Variants in RPL38 observed in about 807,000 individuals in gnomAD.
RPL38 encodes the protein ribosomal protein L38.
In RPL38, 2 loss-of-function variants were observed where a neutral mutation model predicts 12.8. The observed-to-expected ratio is 0.16, with a 90% CI of 0.06 to 0.49. RPL38 has a LOEUF of 0.49. Among genes scored for constraint, RPL38 ranks in the 20% least tolerant of loss-of-function variants. The probability of loss-of-function intolerance (pLI) is 0.96; values close to 1 mark genes in which losing one functional copy is unlikely to be tolerated. For missense variants in RPL38, 52 were observed against 79.8 expected (o/e 0.65, Z 1.33); for synonymous variants, 42 against 30.1 (o/e 1.39, Z -1.29).
Position 74,203,910 on chromosome 17 carries a change from T to G in RPL38, c.-38-8T>G. The G allele has an allele frequency of 6.3e-7, 1 of 1,584,534 alleles. No individual in the cohort carries two copies. Among genetic ancestry groups the G allele is most frequent in the Non-Finnish European group, 8.6e-7 (1 of 1,162,670 alleles). On this transcript the variant is annotated splice_region_variant and splice_polypyrimidine_tract_variant and intron_variant, in intron 1 of 4. Coordinates refer to ENST00000311111, the MANE Select transcript of RPL38 (RefSeq NM_000999.4). The stretch of plus-strand genomic sequence containing the variant: ...CGCCGTGTTAACGCCGAGGACTGTT[T>G]CCCGCAGGTCCTGGTCCGCGCCAGA...
In RPL38 at chr17:74,204,011, G is replaced by T. The variant is rs774041486; in HGVS notation, c.3+53G>T. 6.8e-6 allele frequency: 11 copies of T among 1,612,998 alleles called. No individual in the cohort carries two copies. The African/African-American group carries it at 1.5e-4, about 22-fold the overall frequency. ...CCCGGGGTGGGCTCGTGGGGCCCCG[G>T]GGCGAGGGCGAGAGAGCCTCCCAAG... On this transcript the variant is annotated intron_variant, in intron 2 of 4. Transcript: ENST00000311111.
At chr17:74,209,108 C>G in intron 3 of RPL38, 79 bp from the exon 4 acceptor site, 1 of 1,500,730 alleles carries the variant, frequency 6.7e-7, no homozygotes, top group East Asian at 2.3e-5. Context: ...CTGCTTACTG[C>G]TTGAGTGTAT....
chr17:74,208,116 T>C (rs561739651), intron 3 of RPL38, among the ~76,000 whole-genome samples: 10 of 152,312 alleles, frequency 6.6e-5, no homozygotes, highest in South Asian at 4.1e-4. Flanking sequence ...GGTGCTTTCG[T>C]TGAAGTGTTA....
rs1041134966 is a variant in RPL38, at chr17:74,209,314, G to A, written c.187+5G>A. 1 of 1,613,954 alleles carries A rather than the reference G, an allele frequency of 6.2e-7. No individual in the cohort carries two copies. Among genetic ancestry groups the A allele is most frequent in the Non-Finnish European group, 8.5e-7 (1 of 1,179,976 alleles). Reference sequence around the variant, plus strand: ...TGAAGCAGTCCCTGCCCCCCGGTGAGTGAGCCTGAAGTCACTTCAGGGGCG... The same window carrying A: ...TGAAGCAGTCCCTGCCCCCCGGTGAATGAGCCTGAAGTCACTTCAGGGGCG... On this transcript the variant is annotated splice_donor_5th_base_variant and intron_variant, in intron 4 of 4. Transcript: ENST00000311111.
At chr17:74,206,565 A>G (rs1396300388) in intron 3 of RPL38, among the ~76,000 whole-genome samples, 1 of 152,138 alleles carries the variant, frequency 6.6e-6, no homozygotes, top group Non-Finnish European at 1.5e-5. Flanking sequence ...GCCCCTGGCA[A>G]CCACCTTCCA....
intron 3 of RPL38, chr17:74,206,129 A>G (rs1168666493): frequency 6.6e-6 from 1 of 152,134 alleles, no homozygotes; most frequent in East Asian, 1.9e-4. Flanking sequence ...AACTTTTTAA[A>G]ATGGTTGTAT....
intron 3 of RPL38, chr17:74,204,483 G>A (rs560137196): frequency 2.3e-6 from 1 of 435,402 alleles, no homozygotes; most frequent in Non-Finnish European, 4.2e-6. Context: ...TCTCCACTCC[G>A]CGAAAGCCTC....
At position 74,203,920 on chromosome 17, in the gene RPL38, C is replaced by T. The variant is rs368932274; in HGVS notation, c.-36C>T. 2.2e-4 allele frequency: 347 copies of T among 1,597,540 alleles called. No homozygotes were observed. Among genetic ancestry groups the T allele is most frequent in the Non-Finnish European group, 2.8e-4 (324 of 1,169,600 alleles). ...ACGCCGAGGACTGTTTCCCGCAGGT[C>T]CTGGTCCGCGCCAGAGCCCAGCGCG... is the stretch of plus-strand genomic sequence containing the variant. On this transcript the variant is annotated splice_region_variant and 5_prime_UTR_variant, in exon 2 of 5. Transcript: ENST00000311111.
Position 74,210,355 on chromosome 17 carries a change from CAT to C in RPL38, c.*528_*529del, listed in dbSNP as rs1413380816. ...GATGGAAATAGCACGTGGGGTTAAA[CAT>C]AACTGGCAGATGTGGGAGCGATGGT... On this transcript the variant is annotated 3_prime_UTR_variant, in exon 5 of 5. Coordinates refer to ENST00000311111, the MANE Select transcript of RPL38 (RefSeq NM_000999.4). 2 of 153,346 alleles carry C rather than the reference CAT, an allele frequency of 1.3e-5. No homozygotes were observed. Among genetic ancestry groups the C allele is most frequent in the African/African-American group, 4.8e-5 (2 of 41,448 alleles). 9.5% of individuals were successfully genotyped at this position (153,346 alleles called of 1,614,324 possible). A position where few individuals can be genotyped will look rare whatever the true frequency, so the allele number is the denominator to read the frequency against.
chr17:74,204,557 T>C (rs1187324901), intron 3 of RPL38: 3 of 298,742 alleles, frequency 1.0e-5, no homozygotes, highest in Admixed American at 4.9e-5. Context: ...TAACACAAAA[T>C]CCATTTTGTA....
Position 74,210,103 on chromosome 17 carries a change from T to C in RPL38, c.*274T>C. On this transcript the variant is annotated 3_prime_UTR_variant, in exon 5 of 5. Transcript: ENST00000311111. The stretch of plus-strand genomic sequence containing the variant: ...CCTGGGTTCAAGCGACTGTCCTGCC[T>C]CAGCCTCCCGAGTGGCTGGGATTAC... The C allele has an allele frequency of 2.8e-6, 1 of 354,468 alleles. No individual in the cohort carries two copies. 22.0% of individuals were successfully genotyped at this position (354,468 alleles called of 1,614,324 possible).
intron 3 of RPL38, among the ~76,000 whole-genome samples, chr17:74,207,117 T>C (rs1342905592): frequency 6.6e-6 from 1 of 151,954 alleles, no homozygotes; most frequent in African/African-American, 2.4e-5. Context: ...GCGCAAGTGA[T>C]CCTCCCACCT....
intron 3 of RPL38, chr17:74,204,875 G>A (rs910158616): frequency 3.3e-5 from 5 of 151,338 alleles, no homozygotes; most frequent in African/African-American, 1.2e-4. Context: ...GGTAGAGACA[G>A]AGTTTCACCA....
chr17:74,209,948 G>A lies in RPL38; in HGVS notation c.*119G>A. 5.3e-6 allele frequency: 4 copies of A among 750,742 alleles called. No individual in the cohort carries two copies. Among genetic ancestry groups the A allele is most frequent in the Non-Finnish European group, 6.9e-6 (3 of 437,940 alleles). The allele number at this position is 750,742 out of a possible 1,614,324, so 46.5% of individuals were successfully genotyped here. Reference sequence around the variant, plus strand: ...TCGTAGTGGCTTCTGATGGGAACAGGACGCGGGTTCTGTTGCTGCCTTCCT... The same window carrying A: ...TCGTAGTGGCTTCTGATGGGAACAGAACGCGGGTTCTGTTGCTGCCTTCCT... On this transcript the variant is annotated 3_prime_UTR_variant, in exon 5 of 5. Transcript: ENST00000311111.
chr17:74,206,537 G>C (rs542175995), intron 3 of RPL38, among the ~76,000 whole-genome samples: 9 of 152,056 alleles, frequency 5.9e-5, no homozygotes, highest in Admixed American at 2.0e-4. Context: ...TTAAACACCA[G>C]CTCCCCATTC....
chr17:74,203,736 G>A lies in RPL38; in HGVS notation c.-48G>A, dbSNP rs1224207653. ...GTGAGTGTCTCTAGGGTGATACGTG[G>A]GTGAGAAAGGTAATCTGGGGCAATC... On this transcript the variant is annotated 5_prime_UTR_variant, in exon 1 of 5. Coordinates refer to ENST00000311111, the MANE Select transcript of RPL38 (RefSeq NM_000999.4). 5 of 605,976 alleles carry A rather than the reference G, an allele frequency of 8.3e-6. No homozygotes were observed. Among genetic ancestry groups the A allele is most frequent in the East Asian group, 2.8e-5 (1 of 36,140 alleles). The allele number at this position is 605,976 out of a possible 1,614,324, so 37.5% of individuals were successfully genotyped here.
At position 74,210,639 on chromosome 17, in the gene RPL38, T is replaced by C. The variant is rs1348629027; in HGVS notation, c.*810T>C. On this transcript the variant is annotated 3_prime_UTR_variant, in exon 5 of 5. Transcript: ENST00000311111. ...TCTGGAAATGACTGGCATCATAAAA[T>C]CTGTCTTCATACCCGAGGTAGTGTT... 1 of 152,250 alleles carries C rather than the reference T, an allele frequency of 6.6e-6. No individual in the cohort carries two copies. The highest frequency in any genetic ancestry group is 1.5e-5 in the Non-Finnish European group (1 of 68,074). The allele number at this position is 152,250 out of a possible 1,614,324, so 9.4% of individuals were successfully genotyped here.
intron 3 of RPL38, chr17:74,205,422 CGGT>C (rs2050104109): frequency 6.6e-6 from 1 of 152,162 alleles, no homozygotes; most frequent in African/African-American, 2.4e-5. Context: ...TGGTGCCAGA[CGGT>C]GGTTGGTGTA....
At chr17:74,205,846 C>T (rs2050108638) in intron 3 of RPL38, 1 of 151,990 alleles carries the variant, frequency 6.6e-6, no homozygotes, top group Admixed American at 6.6e-5. Context: ...ATGGCAAAAC[C>T]CCATTTCTAC....
Sources: allele counts gnomAD v4.1 joint callset (sites outside exome capture counted in the v4.1 genomes callset), GRCh38; gene constraint gnomAD v4.1.1; transcripts MANE v1.5; gene names NCBI Gene and HGNC (gene_info 2026-07-23, HGNC 2026-07-21).